The following SH2D3C variants were observed in gnomAD, a reference collection of about 807,000 sequenced individuals.
The protein encoded by SH2D3C is SH2 domain containing 3C.
SH2D3C carries 25 observed loss-of-function variants against 75.2 expected under a neutral mutation model. The ratio of observed to expected loss-of-function variants is 0.33; its 90% CI spans 0.24 to 0.46. The LOEUF is 0.46. SH2D3C is among the 20% of genes least tolerant of loss of function. The pLI is 1.00. For missense variants in SH2D3C, 933 were observed against 1,165.3 expected (o/e 0.80, Z 2.90); for synonymous variants, 450 against 473.7 (o/e 0.95, Z 0.65).
At chr9:127,776,272 C>T (rs985380678) in intron 1 of SH2D3C, among the ~76,000 whole-genome samples, 7 of 151,896 alleles carry the variant, frequency 4.6e-5, no homozygotes, top group Admixed American at 2.6e-4. Flanking sequence ...TGTAATGAAC[C>T]GAGCTCACAC....
At chr9:127,777,069 A>G (rs991013343) in intron 1 of SH2D3C, among the ~76,000 whole-genome samples, 7 of 152,188 alleles carry the variant, frequency 4.6e-5, no homozygotes, top group African/African-American at 7.2e-5. Context: ...GCCCTGCTCA[A>G]TAGCCCGTGT....
At chr9:127,742,623 G>T in intron 8 of SH2D3C, 2 of 499,450 alleles carry the variant, frequency 4.0e-6, no homozygotes, top group Non-Finnish European at 7.2e-6. Flanking sequence ...ACTGGTCAAG[G>T]GGATGCGAAA....
In SH2D3C at chr9:127,738,692, T is replaced by G; in HGVS notation, c.*54A>C. 7 of 1,482,706 alleles carry G rather than the reference T, an allele frequency of 4.7e-6. No individual in the cohort carries two copies. In the South Asian group the frequency reaches 9.3e-5, roughly 20 times the overall value. 91.8% of individuals were successfully genotyped at this position (1,482,706 alleles called of 1,614,324 possible). ...TTGGGGTGCTCTGGGGAAAGTTGTG[T>G]GCCCCTCTGCCCCTGACGCTGTCCG... is the stretch of plus-strand genomic sequence containing the variant. On this transcript the variant is annotated 3_prime_UTR_variant, in exon 12 of 12. Transcript: ENST00000314830. The surrounding 1 kb of genome is among the most constrained non-coding windows in gnomAD (Gnocchi z 5.0).
intron 2 of SH2D3C, among the ~76,000 whole-genome samples, chr9:127,770,436 C>A (rs1399753051): frequency 6.6e-6 from 1 of 152,184 alleles, no homozygotes; most frequent in Non-Finnish European, 1.5e-5. Context: ...CCATCTCAGG[C>A]CCATCTGGGC....
intron 2 of SH2D3C, among the ~76,000 whole-genome samples, chr9:127,770,736 C>T (rs1845717313): frequency 6.6e-6 from 1 of 152,198 alleles, no homozygotes; most frequent in Non-Finnish European, 1.5e-5. Flanking sequence ...ACTGTTAGGC[C>T]CACCAGGGCT....
intron 2 of SH2D3C, among the ~76,000 whole-genome samples, chr9:127,773,732 A>G (rs907655756): frequency 2.0e-5 from 3 of 152,038 alleles, no homozygotes; most frequent in Non-Finnish European, 4.4e-5. Context: ...AGCCTGGACA[A>G]CATGGTGAAA....
At chr9:127,742,122 G>A (rs1455883849) in intron 8 of SH2D3C, among the ~76,000 whole-genome samples, 163 bp from the exon 9 acceptor site, 1 of 152,152 alleles carries the variant, frequency 6.6e-6, no homozygotes, top group African/African-American at 2.4e-5. Flanking sequence ...AGCGTGGAAA[G>A]CAAGGCCTCG....
At chr9:127,760,605 T>G (rs1250476833) in intron 3 of SH2D3C, among the ~76,000 whole-genome samples, 10 of 150,362 alleles carry the variant, frequency 6.7e-5, no homozygotes, top group South Asian at 4.2e-4. Context: ...TATATAAAAA[T>G]AAAAAAAAGA....
intron 2 of SH2D3C, among the ~76,000 whole-genome samples, chr9:127,770,709 A>C (rs913989): frequency 0.65 from 98,287 of 152,122 alleles, 32,550 homozygotes; most frequent in East Asian, 0.97. Context: ...CTCCTGGCTA[A>C]GCATGATGCC....
At chr9:127,761,974 C>T (rs561164597) in intron 2 of SH2D3C, 1 of 309,184 alleles carries the variant, frequency 3.2e-6, no homozygotes, top group African/African-American at 2.2e-5. Context: ...TCCCAAACCA[C>T]TTTCTTCACT....
rs371390805 is a variant in SH2D3C at position 127,747,132 on chromosome 9, C to T, written c.1264+15G>A. On this transcript the variant is annotated intron_variant, in intron 6 of 11. Coordinates refer to ENST00000314830, the MANE Select transcript of SH2D3C (RefSeq NM_170600.3). ...AGATTCCCTCCACCTGCTCCACCCC[C>T]TCTGCTGGCCATACCAGTGCTGTAG... 2 of 1,611,222 alleles carry T rather than the reference C, an allele frequency of 1.2e-6. No individual in the cohort carries two copies. The highest frequency in any genetic ancestry group is 8.5e-7 in the Non-Finnish European group (1 of 1,179,008).
intron 3 of SH2D3C, 148 bp downstream of exon 3, chr9:127,761,463 G>A: frequency 1.7e-6 from 1 of 584,672 alleles, no homozygotes; most frequent in Non-Finnish European, 3.0e-6. Flanking sequence ...TCCAAATGCT[G>A]CCTCGACTCC....
intron 3 of SH2D3C, among the ~76,000 whole-genome samples, chr9:127,757,921 A>C (rs1172095086): frequency 1.3e-5 from 2 of 151,946 alleles, no homozygotes; most frequent in Non-Finnish European, 2.9e-5. Flanking sequence ...TCGGCCTCCC[A>C]AAGTGCTGAG....
intron 3 of SH2D3C, among the ~76,000 whole-genome samples, chr9:127,752,413 G>C (rs1432061023): frequency 4.6e-5 from 7 of 152,176 alleles, no homozygotes; most frequent in Middle Eastern, 3.4e-3. Flanking sequence ...CCCACCTCCA[G>C]GCCCCAAAGA....
chr9:127,741,859 C>T lies in SH2D3C; in HGVS notation c.2017G>A (p.Ala673Thr), dbSNP rs1447052933. 3 of 1,613,348 alleles carry T rather than the reference C, an allele frequency of 1.9e-6. No homozygotes were observed. The highest frequency in any genetic ancestry group is 2.5e-6 in the Non-Finnish European group (3 of 1,180,020). ...TTGCCCATAGTCCCCCGCAGCTCGGCCGCCAGCTGAATGGTCTTGTGCAGC... is the reference window on the plus strand; with the variant it reads ...TTGCCCATAGTCCCCCGCAGCTCGGTCGCCAGCTGAATGGTCTTGTGCAGC... ...ALLHKTIQLAAELRGTMGNMF... is the reference protein window; with the variant it reads ...ALLHKTIQLATELRGTMGNMF... The change falls in exon 9 of 12, where the codon GCC (alanine) becomes ACC (threonine). Residue 673 changes from alanine to threonine, a missense_variant. Transcript: ENST00000314830.
chr9:127,771,280 G>A (rs115856106), intron 2 of SH2D3C: 1 of 1,520,688 alleles, frequency 6.6e-7, no homozygotes, highest in Non-Finnish European at 8.8e-7. Context: ...AAACCCAGCG[G>A]CTCCTGCCTT....
chr9:127,767,464 C>G, intron 2 of SH2D3C: 1 of 263,960 alleles, frequency 3.8e-6, no homozygotes, highest in Non-Finnish European at 5.9e-6. Context: ...TGGGCGGACT[C>G]CCCCAGACAT....
intron 2 of SH2D3C, among the ~76,000 whole-genome samples, chr9:127,766,103 G>C (rs770137223): frequency 1.3e-5 from 2 of 152,222 alleles, no homozygotes; most frequent in Non-Finnish European, 2.9e-5. Flanking sequence ...TCCTGGGCCA[G>C]AAGGAAGGGT....
chr9:127,754,850 G>A lies in SH2D3C; in HGVS notation c.556-3550C>T, dbSNP rs1327987131. 4.0e-6 allele frequency: 2 copies of A among 497,602 alleles called. No homozygotes were observed. Among genetic ancestry groups the A allele is most frequent in the South Asian group, 1.5e-5 (1 of 64,722 alleles). 30.8% of individuals were successfully genotyped at this position (497,602 alleles called of 1,614,324 possible). ...CAGAAACGGACCGGCATCTACCGCA[G>A]CCCAGAGTCCCAGGAGTGGCCGCCG... On this transcript the variant is annotated intron_variant, in intron 3 of 11. Transcript: ENST00000314830. This position sits in a 1 kb window ranked among gnomAD's most constrained non-coding sequence, Gnocchi z 4.4.
Sources: allele counts gnomAD v4.1 joint callset (sites outside exome capture counted in the v4.1 genomes callset), GRCh38; gene constraint gnomAD v4.1.1; non-coding constraint Gnocchi (gnomAD v3.1); transcripts MANE v1.5; gene names NCBI Gene and HGNC (gene_info 2026-07-23, HGNC 2026-07-21).